The following SCUBE1 variants were observed in gnomAD, a reference collection of about 807,000 sequenced individuals.
The protein encoded by SCUBE1 is signal peptide, CUB domain and EGF like domain containing 1, also known as signal peptide, CUB and EGF-like domain-containing protein 1.
In SCUBE1, 59 loss-of-function variants were observed where a neutral mutation model predicts 124.4. That is an observed-to-expected ratio of 0.47 (90% CI 0.38 to 0.59). The LOEUF is 0.59. SCUBE1 is among the 20% of genes least tolerant of loss of function. The probability of loss-of-function intolerance (pLI) is 0.00; values close to 1 mark genes in which losing one functional copy is unlikely to be tolerated. For synonymous variants in SCUBE1, 545 were observed against 550.9 expected (o/e 0.99, Z 0.15); for missense variants, 1,150 against 1,371.2 (o/e 0.84, Z 2.55).
At chr22:43,341,539 G>A (rs1481955842) in intron 1 of SCUBE1, among the ~76,000 whole-genome samples, 2 of 152,228 alleles carry the variant, frequency 1.3e-5, no homozygotes, top group East Asian at 1.9e-4. Context: ...CTAGGCAGGT[G>A]TCTTCACTGG....
Position 43,211,053 on chromosome 22 carries a change from G to T in SCUBE1, c.2252C>A (p.Thr751Asn). The change falls in exon 18 of 22, where the codon ACC (threonine) becomes AAC (asparagine). Residue 751 changes from threonine (T) to asparagine (N), a missense_variant. This residue lies in a region of SCUBE1 where 757 missense variants were observed against 840.9 expected (regional missense o/e 0.90). Coordinates refer to ENST00000360835, the MANE Select transcript of SCUBE1 (RefSeq NM_173050.5). The surrounding 1 kb of genome is among the most constrained non-coding windows in gnomAD (Gnocchi z 4.5). ...GCAGCGGATGCAGCGGTGGGTGGTGGTGTTGTAGTGGTGGCCGGGGGAGCA... is the reference window on the plus strand; with the variant it reads ...GCAGCGGATGCAGCGGTGGGTGGTGTTGTTGTAGTGGTGGCCGGGGGAGCA... Reference protein sequence around the residue: ...VHCSPGHHYNTTTHRCIRCPV... With the variant: ...VHCSPGHHYNNTTHRCIRCPV... The T allele has an allele frequency of 6.2e-7, 1 of 1,613,582 alleles. No individual in the cohort carries two copies. Among genetic ancestry groups the T allele is most frequent in the Non-Finnish European group, 8.5e-7 (1 of 1,179,822 alleles).
At chr22:43,341,149 G>C (rs1020655322) in intron 1 of SCUBE1, among the ~76,000 whole-genome samples, 1 of 152,214 alleles carries the variant, frequency 6.6e-6, no homozygotes, top group African/African-American at 2.4e-5. Flanking sequence ...TGCTTTCCGG[G>C]GGGGGCTACC....
At chr22:43,279,486 C>T (rs1229283903) in intron 4 of SCUBE1, among the ~76,000 whole-genome samples, 1 of 152,240 alleles carries the variant, frequency 6.6e-6, no homozygotes, top group African/African-American at 2.4e-5. Flanking sequence ...GATGTTGAAA[C>T]TGAACCCCTA....
At chr22:43,239,525 G>T (rs1264409878) in intron 6 of SCUBE1, among the ~76,000 whole-genome samples, 3 of 152,380 alleles carry the variant, frequency 2.0e-5, no homozygotes, top group South Asian at 4.1e-4. Context: ...AAAGGCATCT[G>T]GTTTTTGTCC....
intron 3 of SCUBE1, among the ~76,000 whole-genome samples, chr22:43,304,122 G>A (rs1299249525): frequency 1.3e-5 from 2 of 152,204 alleles, no homozygotes; most frequent in Admixed American, 1.3e-4. Context: ...CTGGGTCAAC[G>A]ACTGTGAGCT....
chr22:43,262,549 A>G (rs1923910127), intron 5 of SCUBE1, among the ~76,000 whole-genome samples, 171 bp downstream of exon 5: 1 of 152,080 alleles, frequency 6.6e-6, no homozygotes, highest in Admixed American at 6.5e-5. Context: ...AGGGTTTACA[A>G]CCCTTGTCCC....
intron 3 of SCUBE1, among the ~76,000 whole-genome samples, chr22:43,312,249 T>C (rs1306658137): frequency 6.6e-6 from 1 of 152,236 alleles, no homozygotes; most frequent in East Asian, 1.9e-4. Flanking sequence ...AGACAAATTC[T>C]GCTTTTGGGG....
chr22:43,208,270 C>T, intron 19 of SCUBE1, 46 bp from the exon 20 acceptor site: 1 of 1,596,912 alleles, frequency 6.3e-7, no homozygotes, highest in Non-Finnish European at 8.6e-7. Flanking sequence ...TAGGCAGCTC[C>T]TCCTGCCCTA....
chr22:43,289,974 T>G (rs1364438657), intron 4 of SCUBE1, among the ~76,000 whole-genome samples: 1 of 152,056 alleles, frequency 6.6e-6, no homozygotes, highest in Non-Finnish European at 1.5e-5. Context: ...CTCCAGCGCC[T>G]CCTCCTTGTT....
chr22:43,256,272 G>A (rs1472481935), intron 6 of SCUBE1, among the ~76,000 whole-genome samples: 1 of 152,242 alleles, frequency 6.6e-6, no homozygotes, highest in African/African-American at 2.4e-5. Flanking sequence ...TGCAAAGAGG[G>A]ATCACTTATT....
At chr22:43,218,135 T>C in intron 15 of SCUBE1, 120 bp downstream of exon 15, 1 of 917,634 alleles carries the variant, frequency 1.1e-6, no homozygotes, top group Non-Finnish European at 1.7e-6. Context: ...GGCAGGCCTC[T>C]GCATCTCTCT....
intron 15 of SCUBE1, among the ~76,000 whole-genome samples, chr22:43,217,622 C>A (rs921229495): frequency 6.6e-6 from 1 of 152,192 alleles, no homozygotes; most frequent in African/African-American, 2.4e-5. Context: ...GGCCCCATCA[C>A]CTCTGGCCTC....
chr22:43,252,076 A>G (rs1292067169), intron 6 of SCUBE1, among the ~76,000 whole-genome samples: 1 of 152,218 alleles, frequency 6.6e-6, no homozygotes, highest in Non-Finnish European at 1.5e-5. Context: ...GGAGTCTACA[A>G]TTGGTTACAT....
chr22:43,312,279 A>G (rs1445707865), intron 3 of SCUBE1, among the ~76,000 whole-genome samples: 3 of 152,256 alleles, frequency 2.0e-5, no homozygotes, highest in Non-Finnish European at 2.9e-5. Context: ...GGACCATGAC[A>G]CAGAGCTGCA....
In SCUBE1 at chr22:43,297,189, G is replaced by A. The variant is rs371456031; in HGVS notation, c.350-6009C>T. On this transcript the variant is annotated intron_variant, in intron 3 of 21. Coordinates refer to ENST00000360835, the MANE Select transcript of SCUBE1 (RefSeq NM_173050.5). ...TGACTTTTTCCACGCCACCTTGCCC[G>A]TCCATCTCCCTGGCTCCCATGAGAC... Among the ~76,000 whole-genome samples, 11 of 152,302 alleles carry A rather than the reference G, an allele frequency of 7.2e-5. No homozygotes were observed. The South Asian group carries it at 1.5e-3, about 20-fold the overall frequency.
intron 4 of SCUBE1, among the ~76,000 whole-genome samples, chr22:43,265,736 G>A (rs569919566): frequency 1.8e-4 from 27 of 152,332 alleles, no homozygotes; most frequent in African/African-American, 5.8e-4. Flanking sequence ...TACAGCTATC[G>A]AGACTGGCTA....
At chr22:43,268,760 G>A (rs1485385436) in intron 4 of SCUBE1, among the ~76,000 whole-genome samples, 1 of 152,244 alleles carries the variant, frequency 6.6e-6, no homozygotes, top group African/African-American at 2.4e-5. Flanking sequence ...CAGATAGGCT[G>A]TTGTGGGACT....
intron 3 of SCUBE1, among the ~76,000 whole-genome samples, chr22:43,294,892 C>T (rs1380034946): frequency 2.6e-5 from 4 of 152,168 alleles, no homozygotes; most frequent in East Asian, 1.9e-4. Flanking sequence ...CCATAAATAA[C>T]GGCAATTGCT....
intron 21 of SCUBE1, among the ~76,000 whole-genome samples, chr22:43,206,974 G>GTTCCAGC (rs1921316963): frequency 6.6e-6 from 1 of 152,174 alleles, no homozygotes; most frequent in African/African-American, 2.4e-5. Flanking sequence ...CAGCGGGAGC[G>GTTCCAGC]TTCCAGCCCT....
Sources: gnomAD v4.1 joint callset for allele counts (sites outside exome capture counted in the v4.1 genomes callset) on GRCh38, gnomAD v4.1.1 for gene constraint, gnomAD v4.1.1 regional missense constraint, Gnocchi (gnomAD v3.1) non-coding constraint, MANE v1.5 for transcripts, NCBI Gene and HGNC (gene_info 2026-07-23, HGNC 2026-07-21) for gene names.